Variants in C8orf34 observed in about 807,000 individuals in gnomAD.
C8orf34 encodes the protein uncharacterized protein C8orf34.
In C8orf34, 65 loss-of-function variants were observed where a neutral mutation model predicts 68.3. The ratio of observed to expected loss-of-function variants is 0.95; its 90% confidence interval spans 0.78 to 1.17. C8orf34 has a LOEUF of 1.17. C8orf34 is among the 50% of genes most tolerant of loss of function. The probability of loss-of-function intolerance (pLI) is 0.00; values close to 1 mark genes in which losing one functional copy is unlikely to be tolerated. For synonymous variants in C8orf34, 244 were observed against 241.2 expected (o/e 1.01, Z -0.11); for missense variants, 664 against 655.4 (o/e 1.01, Z -0.14).
intron 3 of C8orf34, among the ~76,000 whole-genome samples, chr8:68,451,065 A>C (rs936554213): frequency 1.3e-5 from 2 of 152,116 alleles, no homozygotes. Context: ...TTCCATCAGC[A>C]CTTGCTACTT....
chr8:68,641,057 A>C (rs975013042), intron 8 of C8orf34, among the ~76,000 whole-genome samples: 1 of 152,252 alleles, frequency 6.6e-6, no homozygotes, highest in African/African-American at 2.4e-5. Context: ...CTGGTCTAGC[A>C]GAAACTCACC....
intron 8 of C8orf34, among the ~76,000 whole-genome samples, chr8:68,701,611 T>C (rs1302937054): frequency 6.6e-6 from 1 of 152,074 alleles, no homozygotes; most frequent in East Asian, 1.9e-4. Context: ...TCTTTCACTA[T>C]GATTGGTGCA....
chr8:68,607,561 C>A (rs1817892013), intron 7 of C8orf34, among the ~76,000 whole-genome samples: 1 of 152,106 alleles, frequency 6.6e-6, no homozygotes, highest in Non-Finnish European at 1.5e-5. Context: ...CAAATACAGT[C>A]ACATTCTAAG....
intron 7 of C8orf34, among the ~76,000 whole-genome samples, chr8:68,617,631 G>A (rs1586459697): frequency 6.6e-6 from 1 of 152,214 alleles, no homozygotes; most frequent in South Asian, 2.1e-4. Context: ...GTTCTGGCTT[G>A]TAGAGTTTCT....
intron 1 of C8orf34, among the ~76,000 whole-genome samples, chr8:68,367,917 A>G (rs796642332): frequency 1.7e-5 from 2 of 118,754 alleles, no homozygotes; most frequent in Admixed American, 8.1e-5. Context: ...GAAAAGAAAA[A>G]AAAAAAAAAA....
intron 1 of C8orf34, among the ~76,000 whole-genome samples, chr8:68,405,652 C>T (rs1809160625): frequency 6.6e-6 from 1 of 152,190 alleles, no homozygotes; most frequent in Non-Finnish European, 1.5e-5. Context: ...TCCTGGTAAA[C>T]AATGCCTGTG....
intron 4 of C8orf34, among the ~76,000 whole-genome samples, chr8:68,477,991 G>A (rs1055574642): frequency 4.6e-5 from 7 of 152,182 alleles, no homozygotes; most frequent in African/African-American, 1.7e-4. Context: ...CTGGACCTTT[G>A]ATGGGAGGGG....
chr8:68,528,688 T>C (rs1815117824), intron 6 of C8orf34, among the ~76,000 whole-genome samples: 1 of 152,210 alleles, frequency 6.6e-6, no homozygotes, highest in Non-Finnish European at 1.5e-5. Context: ...TACCCGGCAA[T>C]GCAGCTGCAC....
At chr8:68,789,412 A>C (rs1169817318) in intron 12 of C8orf34, among the ~76,000 whole-genome samples, 1 of 152,232 alleles carries the variant, frequency 6.6e-6, no homozygotes, top group African/African-American at 2.4e-5. Context: ...TCCAGTTTCA[A>C]ATTTAGTCTT....
intron 7 of C8orf34, among the ~76,000 whole-genome samples, chr8:68,561,035 T>C (rs1206838485): frequency 6.6e-6 from 1 of 151,418 alleles, no homozygotes; most frequent in Non-Finnish European, 1.5e-5. Context: ...GGTGCAGTGG[T>C]GTGATCGTGT....
intron 1 of C8orf34, among the ~76,000 whole-genome samples, chr8:68,426,593 C>T (rs929652339): frequency 6.7e-6 from 1 of 148,850 alleles, no homozygotes; most frequent in African/African-American, 2.5e-5. Flanking sequence ...AAAAATATTT[C>T]CAAATTACAT....
intron 5 of C8orf34, among the ~76,000 whole-genome samples, chr8:68,490,609 C>A (rs1023436191): frequency 2.0e-5 from 3 of 152,042 alleles, no homozygotes; most frequent in Admixed American, 1.3e-4. Context: ...TTTGTGGAAA[C>A]TGCTGAATTT....
chr8:68,810,707 C>T (rs1275528821), intron 12 of C8orf34, among the ~76,000 whole-genome samples: 2 of 152,170 alleles, frequency 1.3e-5, no homozygotes, highest in Non-Finnish European at 2.9e-5. Context: ...TCTCCAGAGA[C>T]TCCAACTGGG....
At chr8:68,655,060 G>A (rs950750498) in intron 8 of C8orf34, among the ~76,000 whole-genome samples, 1 of 151,890 alleles carries the variant, frequency 6.6e-6, no homozygotes, top group Admixed American at 6.6e-5. Context: ...AAAATCACTG[G>A]CGTTTATTTA....
chr8:68,777,473 G>A (rs1031616683), intron 11 of C8orf34, among the ~76,000 whole-genome samples: 7 of 152,200 alleles, frequency 4.6e-5, no homozygotes, highest in Admixed American at 4.6e-4. Flanking sequence ...TGCTCAATGT[G>A]GCAAGAAGGT....
rs546939864 is a variant in C8orf34 at position 68,814,579 on chromosome 8, C to T, written c.1550-1307C>T. 2.0e-4 allele frequency among the ~76,000 whole-genome samples: 31 copies of T among 152,148 alleles called. No homozygotes were observed. The South Asian group carries it at 2.1e-3, about 10-fold the overall frequency. On this transcript the variant is annotated intron_variant, in intron 12 of 13. Transcript: ENST00000518698. ...TTCCTATTCATCTAAATTTTAATAC[C>T]GAAAAATGTTAAATACCCATTACTT...
At chr8:68,360,646 T>A (rs1010699702) in intron 1 of C8orf34, among the ~76,000 whole-genome samples, 7 of 152,172 alleles carry the variant, frequency 4.6e-5, no homozygotes, top group African/African-American at 1.7e-4. Flanking sequence ...ACACACTGCC[T>A]TTAGTGTCAG....
chr8:68,777,434 TA>T (rs1305028521), intron 11 of C8orf34, among the ~76,000 whole-genome samples: 1 of 152,224 alleles, frequency 6.6e-6, no homozygotes, highest in Non-Finnish European at 1.5e-5. Flanking sequence ...ACGTGCAATG[TA>T]AATGTACATG....
chr8:68,528,955 G>A (rs190824093), intron 6 of C8orf34, among the ~76,000 whole-genome samples: 17 of 152,188 alleles, frequency 1.1e-4, no homozygotes, highest in Non-Finnish European at 2.4e-4. Flanking sequence ...CTCATGCTCC[G>A]CCTAGGGCAA....
Sources: allele counts gnomAD v4.1 joint callset (sites outside exome capture counted in the v4.1 genomes callset), GRCh38; gene constraint gnomAD v4.1.1; transcripts MANE v1.5; gene names NCBI Gene and HGNC (gene_info 2026-07-23, HGNC 2026-07-21).